RIPOR3: variants seen among roughly 807,000 people sequenced by gnomAD.
The protein encoded by RIPOR3 is RIPOR family member 3, also known as family with sequence similarity 65 member C.
A neutral mutation model predicts 114.3 loss-of-function variants in RIPOR3; 95 were observed. The observed-to-expected ratio is 0.83, with a 90% confidence interval of 0.70 to 0.99. RIPOR3 has a LOEUF of 0.99. Among genes scored for constraint, RIPOR3 ranks in the 50% least tolerant of loss-of-function variants. The pLI is 0.00. For synonymous variants in RIPOR3, 575 were observed against 543.8 expected (o/e 1.06, Z -0.80); for missense variants, 1,252 against 1,266.9 (o/e 0.99, Z 0.18).
intron 4 of RIPOR3, 89 bp from the exon 5 acceptor site, chr20:50,611,293 A>C: frequency 6.4e-7 from 1 of 1,568,220 alleles, no homozygotes; most frequent in Non-Finnish European, 8.8e-7. Flanking sequence ...GCGGCGCCTG[A>C]GCTCAGAGTC....
At chr20:50,689,468 G>A (rs935501318) in intron 1 of RIPOR3, among the ~76,000 whole-genome samples, 5 of 152,122 alleles carry the variant, frequency 3.3e-5, no homozygotes, top group Admixed American at 6.5e-5. Context: ...GAGCCACCGC[G>A]CCCAGCCTCA....
chr20:50,673,738 C>T (rs768715285), intron 1 of RIPOR3, among the ~76,000 whole-genome samples: 4 of 152,218 alleles, frequency 2.6e-5, no homozygotes, highest in Non-Finnish European at 4.4e-5. Context: ...CTCACCACGC[C>T]TCCATGCTCT....
chr20:50,591,685 GGCAAAGAGTGAAAAA>G (rs2083113713), intron 19 of RIPOR3, among the ~76,000 whole-genome samples: 1 of 152,208 alleles, frequency 6.6e-6, no homozygotes, highest in Admixed American at 6.5e-5. Context: ...AGTAGTTACA[GGCAAAGAGTGAAAAA>G]GCAGAGAGGT....
chr20:50,609,405 G>T, intron 7 of RIPOR3, 49 bp from the exon 8 acceptor site: 2 of 1,597,930 alleles, frequency 1.3e-6, no homozygotes, highest in Non-Finnish European at 1.7e-6. Flanking sequence ...GCTAGGCCAC[G>T]AGGGCCTCTA....
chr20:50,596,151 C>G lies in RIPOR3; in HGVS notation c.1903G>C (p.Ala635Pro), dbSNP rs747405056. The G allele has an allele frequency of 1.7e-5, 28 of 1,614,072 alleles. No homozygotes were observed. The Admixed American group carries it at 4.3e-4, about 25-fold the overall frequency. The change falls in exon 15 of 22, where the codon GCT becomes CCT. Residue 635 changes from alanine to proline, a missense_variant. Coordinates refer to ENST00000327979, the MANE Select transcript of RIPOR3 (RefSeq NM_001290268.2). Reference protein sequence around the residue: ...LLMVHLQVCKALLQKLASPNL... With the variant: ...LLMVHLQVCKPLLQKLASPNL... ...CCTAGCCCAGCCACCTGCAGCAGAGCTTTGCAGACTTGGAGGTGTACCATC... is the reference window on the plus strand; with the variant it reads ...CCTAGCCCAGCCACCTGCAGCAGAGGTTTGCAGACTTGGAGGTGTACCATC...
chr20:50,610,295 G>A (rs2083931210), intron 6 of RIPOR3, among the ~76,000 whole-genome samples: 1 of 152,148 alleles, frequency 6.6e-6, no homozygotes, highest in Non-Finnish European at 1.5e-5. Context: ...CTGGCACACA[G>A]TGTGCACAGC....
chr20:50,630,328 C>G (rs1017876929), intron 2 of RIPOR3, among the ~76,000 whole-genome samples: 1 of 152,090 alleles, frequency 6.6e-6, no homozygotes, highest in Non-Finnish European at 1.5e-5. Context: ...GTTGCCCAGG[C>G]TGGTCTTGAG....
At chr20:50,587,466 T>C (rs1457085276) in intron 21 of RIPOR3, 134 bp from the exon 22 acceptor site, 7 of 720,126 alleles carry the variant, frequency 9.7e-6, no homozygotes, top group East Asian at 8.0e-5. Flanking sequence ...GGAGGGAGTA[T>C]GTGCGGGAGC....
intron 1 of RIPOR3, among the ~76,000 whole-genome samples, chr20:50,675,315 G>A (rs532539389): frequency 1.3e-5 from 2 of 152,282 alleles, no homozygotes; most frequent in Admixed American, 6.5e-5. Context: ...CTTCATTACA[G>A]CAGTCCTAGG....
intron 1 of RIPOR3, among the ~76,000 whole-genome samples, chr20:50,683,009 G>A (rs1320208079): frequency 3.3e-5 from 5 of 152,184 alleles, no homozygotes; most frequent in African/African-American, 7.2e-5. Flanking sequence ...TTACAGGCAT[G>A]AGCCACCGTG....
chr20:50,612,112 G>A (rs1363415302), intron 4 of RIPOR3, among the ~76,000 whole-genome samples: 1 of 144,850 alleles, frequency 6.9e-6, no homozygotes, highest in Non-Finnish European at 1.5e-5. Flanking sequence ...GTGACAGAGC[G>A]AGACTCCATC....
At chr20:50,612,520 AC>A (rs2084012731) in intron 4 of RIPOR3, among the ~76,000 whole-genome samples, 1 of 152,220 alleles carries the variant, frequency 6.6e-6, no homozygotes, top group South Asian at 2.1e-4. Context: ...TTGTAGATCC[AC>A]CAGGGAGGAA....
At position 50,677,510 on chromosome 20, in the gene RIPOR3, G is replaced by A. The variant is rs191155005; in HGVS notation, c.3+13616C>T. On this transcript the variant is annotated intron_variant, in intron 1 of 21. Transcript: ENST00000327979. ...CCTCAGCCTCCTGAGTAGCTGGGAT[G>A]ACAGACACACACCACCACACCTGGC... Among the ~76,000 whole-genome samples, 3 of 150,516 alleles carry A rather than the reference G, an allele frequency of 2.0e-5. No individual in the cohort carries two copies. The South Asian group carries it at 6.3e-4, about 32-fold the overall frequency.
Position 50,608,942 on chromosome 20 carries a change from G to A in RIPOR3, c.654C>T (p.Tyr218=), listed in dbSNP as rs149203288. The change falls in exon 9 of 22, where the codon TAC becomes TAT. Residue 218 remains tyrosine (Y), a synonymous_variant. Transcript: ENST00000327979. ...AGTGGTCTCCGGGACAGAGGCGTGC[G>A]TAGCCCACCAAGCCTGGAACACAGA... ...FHIRMKGLVG[Y]ARLCPGDHYE... is the part of the protein sequence containing the mutation. 31 of 1,584,362 alleles carry A rather than the reference G, an allele frequency of 2.0e-5. 1 individual carries two copies. The highest frequency in any genetic ancestry group is 5.4e-5 in the African/African-American group (4 of 74,704).
Position 50,587,587 on chromosome 20 carries a change from C to G in RIPOR3, c.2752+215G>C, listed in dbSNP as rs1021919396. Among the ~76,000 whole-genome samples, 9 of 152,298 alleles carry G rather than the reference C, an allele frequency of 5.9e-5. No individual in the cohort carries two copies. The South Asian group carries it at 1.7e-3, about 28-fold the overall frequency. ...CTTCTATCCCAAAGGTCTAAGAAGA[C>G]AGCGAACACTCCCTGCCACCCCAGC... On this transcript the variant is annotated intron_variant, in intron 21 of 21. Coordinates refer to ENST00000327979, the MANE Select transcript of RIPOR3 (RefSeq NM_001290268.2).
intron 1 of RIPOR3, among the ~76,000 whole-genome samples, chr20:50,670,158 CAAAAAAAAAA>C (rs34360499): frequency 8.3e-4 from 41 of 49,250 alleles, no homozygotes; most frequent in Admixed American, 1.1e-3. Context: ...AACTCCATCT[CAAAAAAAAAA>C]AAAAAAAAAA....
intron 1 of RIPOR3, among the ~76,000 whole-genome samples, chr20:50,666,190 T>TTC (rs1245595959): frequency 1.2e-4 from 6 of 51,614 alleles, no homozygotes; most frequent in African/African-American, 2.9e-4. Context: ...CCCATTTCTT[T>TTC]TCTTTTCTTT....
At chr20:50,622,692 C>CAGAGAGAG (rs139986638) in intron 2 of RIPOR3, among the ~76,000 whole-genome samples, 4 of 150,208 alleles carry the variant, frequency 2.7e-5, no homozygotes, top group African/African-American at 9.7e-5. Flanking sequence ...CTCTGGACTG[C>CAGAGAGAG]AGAGAGAGAG....
chr20:50,672,612 G>C (rs2086554731), intron 1 of RIPOR3, among the ~76,000 whole-genome samples: 2 of 152,188 alleles, frequency 1.3e-5, no homozygotes, highest in East Asian at 1.9e-4. Context: ...CCTGACCATG[G>C]CTCCGTCAGT....
Sources: allele counts gnomAD v4.1 joint callset (sites outside exome capture counted in the v4.1 genomes callset), GRCh38; gene constraint gnomAD v4.1.1; transcripts MANE v1.5; gene names NCBI Gene and HGNC (gene_info 2026-07-23, HGNC 2026-07-21).